The following STIM2 variants were observed in gnomAD, a reference collection of about 807,000 sequenced individuals.
The protein encoded by STIM2 is stromal interaction molecule 2.
A neutral mutation model predicts 85.8 loss-of-function variants in STIM2; 31 were observed. That is an observed-to-expected ratio of 0.36 (90% CI 0.27 to 0.49). The LOEUF is 0.49. STIM2 is among the 20% of genes least tolerant of loss of function. The probability of loss-of-function intolerance (pLI) is 0.98; values close to 1 mark genes in which losing one functional copy is unlikely to be tolerated. For missense variants in STIM2, 841 were observed against 927.6 expected (o/e 0.91, Z 1.21); for synonymous variants, 356 against 331.1 (o/e 1.08, Z -0.82).
At chr4:27,000,203 C>A (rs1468341364) in intron 5 of STIM2, among the ~76,000 whole-genome samples, 1 of 151,866 alleles carries the variant, frequency 6.6e-6, no homozygotes, top group Non-Finnish European at 1.5e-5. Flanking sequence ...GGGAATGGCC[C>A]TTCTAAAAAA....
intron 1 of STIM2, among the ~76,000 whole-genome samples, chr4:26,872,428 C>T (rs1272752363): frequency 1.3e-5 from 2 of 152,020 alleles, no homozygotes; most frequent in African/African-American, 4.8e-5. Flanking sequence ...AATTTCTGAG[C>T]TTAAAGGTTT....
chr4:26,920,462 G>A (rs1405401962), intron 2 of STIM2, among the ~76,000 whole-genome samples: 1 of 152,146 alleles, frequency 6.6e-6, no homozygotes, highest in African/African-American at 2.4e-5. Flanking sequence ...TTCTTTGAGT[G>A]TTGTCTCATT....
chr4:27,020,327 A>T (rs1045239088), intron 11 of STIM2, among the ~76,000 whole-genome samples: 2 of 152,232 alleles, frequency 1.3e-5, no homozygotes, highest in Non-Finnish European at 2.9e-5. Flanking sequence ...ATTCTGTTCA[A>T]TTAATGGACA....
At chr4:26,987,686 G>C (rs558954219) in intron 3 of STIM2, among the ~76,000 whole-genome samples, 5 of 152,188 alleles carry the variant, frequency 3.3e-5, no homozygotes, top group African/African-American at 4.8e-5. Context: ...AAGAACTGAC[G>C]TAGCTCCATT....
chr4:27,018,656 C>G (rs1728814615), intron 11 of STIM2, among the ~76,000 whole-genome samples: 2 of 152,138 alleles, frequency 1.3e-5, no homozygotes, highest in Admixed American at 1.3e-4. Flanking sequence ...ATTTGGGAGC[C>G]ATCTTAGAAT....
At chr4:26,906,365 A>T (rs1015564058) in intron 1 of STIM2, among the ~76,000 whole-genome samples, 2 of 152,006 alleles carry the variant, frequency 1.3e-5, no homozygotes, top group African/African-American at 4.8e-5. Flanking sequence ...CTGTACACCA[A>T]ACCCCTGTGA....
At chr4:26,875,226 ATT>A (rs1448627166) in intron 1 of STIM2, among the ~76,000 whole-genome samples, 1 of 152,218 alleles carries the variant, frequency 6.6e-6, no homozygotes, top group East Asian at 1.9e-4. Context: ...GTTTTGTGTT[ATT>A]TTTGCCATAT....
chr4:27,021,877 A>G (rs2109149210), intron 11 of STIM2, among the ~76,000 whole-genome samples: 1 of 152,298 alleles, frequency 6.6e-6, no homozygotes, highest in Non-Finnish European at 1.5e-5. Flanking sequence ...TTATTTTTCC[A>G]CTGTGGAGAA....
At chr4:26,947,157 T>C (rs980795327) in intron 2 of STIM2, among the ~76,000 whole-genome samples, 1 of 152,164 alleles carries the variant, frequency 6.6e-6, no homozygotes, top group Non-Finnish European at 1.5e-5. Context: ...GCTCCAAGTG[T>C]TGTATTCTCC....
At chr4:27,017,580 A>G in intron 10 of STIM2, 131 bp from the exon 11 acceptor site, 1 of 1,138,688 alleles carries the variant, frequency 8.8e-7, no homozygotes, top group Non-Finnish European at 1.3e-6. Context: ...ATAACTGTAC[A>G]GTAACTTCAG....
chr4:26,996,393 T>TA (rs1009657361), intron 4 of STIM2, among the ~76,000 whole-genome samples: 1 of 152,070 alleles, frequency 6.6e-6, no homozygotes, highest in Non-Finnish European at 1.5e-5. Flanking sequence ...AAAAAGACTC[T>TA]AATCAGTTAT....
chr4:26,871,848 T>C (rs889194351), intron 1 of STIM2, among the ~76,000 whole-genome samples: 12 of 152,104 alleles, frequency 7.9e-5, no homozygotes, highest in African/African-American at 2.9e-4. Context: ...CTGGCCTGTT[T>C]CCACTTTTGT....
chr4:26,896,702 A>C (rs1172641195), intron 1 of STIM2, among the ~76,000 whole-genome samples: 2 of 152,236 alleles, frequency 1.3e-5, no homozygotes, highest in African/African-American at 4.8e-5. Flanking sequence ...AACTGATAGT[A>C]GCATAATACA....
At chr4:26,904,083 C>A (rs1344545969) in intron 1 of STIM2, among the ~76,000 whole-genome samples, 1 of 146,134 alleles carries the variant, frequency 6.8e-6, no homozygotes, top group Non-Finnish European at 1.5e-5. Flanking sequence ...TCTCCTAATG[C>A]TATCCCTCCC....
chr4:26,892,345 C>G (rs1723524201), intron 1 of STIM2, among the ~76,000 whole-genome samples: 1 of 152,180 alleles, frequency 6.6e-6, no homozygotes, highest in African/African-American at 2.4e-5. Context: ...GGGCACTCTT[C>G]TGTTTTGCGG....
intron 1 of STIM2, among the ~76,000 whole-genome samples, chr4:26,878,953 C>T (rs751171202): frequency 1.3e-5 from 2 of 152,162 alleles, no homozygotes; most frequent in African/African-American, 2.4e-5. Context: ...TCAGGATCCT[C>T]CCCCCACACA....
At chr4:26,887,329 C>T (rs934864349) in intron 1 of STIM2, among the ~76,000 whole-genome samples, 5 of 151,190 alleles carry the variant, frequency 3.3e-5, no homozygotes, top group African/African-American at 9.7e-5. Context: ...TGCTAATAAT[C>T]TAAGATCACA....
At chr4:26,884,785 C>G (rs1723152505) in intron 1 of STIM2, among the ~76,000 whole-genome samples, 1 of 152,114 alleles carries the variant, frequency 6.6e-6, no homozygotes, top group Non-Finnish European at 1.5e-5. Flanking sequence ...CATGAAATAA[C>G]TCATTTAGTC....
intron 1 of STIM2, among the ~76,000 whole-genome samples, chr4:26,903,689 A>G (rs1367605792): frequency 6.6e-6 from 1 of 152,178 alleles, no homozygotes; most frequent in African/African-American, 2.4e-5. Context: ...AAAGAATACT[A>G]AGAATAATAA....
Sources: allele counts gnomAD v4.1 joint callset (sites outside exome capture counted in the v4.1 genomes callset), GRCh38; gene constraint gnomAD v4.1.1; transcripts MANE v1.5; gene names NCBI Gene and HGNC (gene_info 2026-07-23, HGNC 2026-07-21).